SFXN5: variants seen among roughly 807,000 people sequenced by gnomAD.
The protein encoded by SFXN5 is sideroflexin 5.
Under a neutral mutation model 50.2 loss-of-function variants are expected in SFXN5, and 43 were observed. The observed-to-expected ratio is 0.86, with a 90% CI of 0.67 to 1.11. The LOEUF is 1.11. SFXN5 is among the 50% of genes least tolerant of loss of function. SFXN5 has a pLI of 0.00. For missense variants in SFXN5, 463 were observed against 454.1 expected (o/e 1.02, Z -0.18); for synonymous variants, 203 against 185.8 (o/e 1.09, Z -0.75).
intron 6 of SFXN5, among the ~76,000 whole-genome samples, chr2:73,016,866 G>C (rs1371276079): frequency 6.6e-6 from 1 of 152,182 alleles, no homozygotes; most frequent in Non-Finnish European, 1.5e-5. Flanking sequence ...TGGGCATTTT[G>C]TTGACATGAT....
intron 7 of SFXN5, 124 bp from the exon 8 acceptor site, chr2:73,000,611 C>A (rs560543002): frequency 1.0e-4 from 90 of 893,464 alleles, no homozygotes; most frequent in Non-Finnish European, 1.5e-4. Flanking sequence ...TCACATGGTG[C>A]CGCCCATGCT....
rs953612196 is a variant in SFXN5, at chr2:73,040,304, C to T, written c.249+550G>A. ...TACCCCTCCCCAAAACAAAACACCACCTTCAACATTTCAGGTATCTCTAAT... is the reference window on the plus strand; with the variant it reads ...TACCCCTCCCCAAAACAAAACACCATCTTCAACATTTCAGGTATCTCTAAT... On this transcript the variant is annotated intron_variant, in intron 3 of 13. Transcript: ENST00000272433. Among the ~76,000 whole-genome samples the T allele has an allele frequency of 2.6e-5, 4 of 152,146 alleles. No homozygotes were observed. In the South Asian group the frequency reaches 8.3e-4, roughly 32 times the overall value.
intron 6 of SFXN5, among the ~76,000 whole-genome samples, chr2:73,005,071 A>C (rs2105725800): frequency 6.6e-6 from 1 of 152,224 alleles, no homozygotes; most frequent in Admixed American, 6.5e-5. Context: ...CAAGAGGGAA[A>C]CGATTCAGGC....
At chr2:73,044,194 C>A (rs1326018720) in intron 2 of SFXN5, among the ~76,000 whole-genome samples, 1 of 152,180 alleles carries the variant, frequency 6.6e-6, no homozygotes, top group Admixed American at 6.5e-5. Flanking sequence ...AGCCCTCCTA[C>A]CAAAAGAATA....
chr2:73,047,217 C>G (rs1250228624), intron 2 of SFXN5, among the ~76,000 whole-genome samples: 1 of 23,988 alleles, frequency 4.2e-5, no homozygotes, highest in Non-Finnish European at 8.1e-5. Context: ...GACTCCATCT[C>G]GTAAAAAAAA....
At chr2:72,977,343 C>T (rs1670742832) in intron 10 of SFXN5, among the ~76,000 whole-genome samples, 1 of 152,126 alleles carries the variant, frequency 6.6e-6, no homozygotes, top group East Asian at 1.9e-4. Context: ...GCCAAAAAAT[C>T]CATACGATGT....
chr2:72,942,132 C>G lies in SFXN5; in HGVS notation c.*2890G>C, dbSNP rs1258346466. The G allele has an allele frequency of 1.3e-5, 2 of 152,332 alleles. No homozygotes were observed. Among genetic ancestry groups the G allele is most frequent in the East Asian group, 3.9e-4 (2 of 5,182 alleles). 9.4% of individuals were successfully genotyped at this position (152,332 alleles called of 1,614,324 possible). On this transcript the variant is annotated 3_prime_UTR_variant, in exon 14 of 14. Transcript: ENST00000272433. ...TGAGGTTAAAAAGACGCTGCAAAGG[C>G]CCCTGGGAGTGGCTGAGGCTTGCGT...
At chr2:73,040,629 T>G (rs1237389758) in intron 3 of SFXN5, among the ~76,000 whole-genome samples, 1 of 152,264 alleles carries the variant, frequency 6.6e-6, no homozygotes, top group Non-Finnish European at 1.5e-5. Flanking sequence ...AGCAAGCCTT[T>G]GGCCTTTGGG....
intron 1 of SFXN5, among the ~76,000 whole-genome samples, chr2:73,065,152 G>A (rs1228042566): frequency 6.6e-6 from 1 of 152,124 alleles, no homozygotes. Flanking sequence ...CCCAGCTGGA[G>A]TGCAGTTGTG....
chr2:73,047,506 C>G (rs1680663148), intron 2 of SFXN5, among the ~76,000 whole-genome samples: 1 of 150,790 alleles, frequency 6.6e-6, no homozygotes. Flanking sequence ...AATAATCCCC[C>G]CATGTCAAGG....
In SFXN5 at chr2:73,002,655, T is replaced by C. The variant is rs1376271235; in HGVS notation, c.358-1077A>G. 2.0e-5 allele frequency among the ~76,000 whole-genome samples: 3 copies of C among 151,626 alleles called. No homozygotes were observed. In the East Asian group the frequency reaches 5.8e-4, roughly 29 times the overall value. On this transcript the variant is annotated intron_variant, in intron 6 of 13. Transcript: ENST00000272433. ...GCATTAGTAAATCATGTTTTAAACA[T>C]TAAAATGTTTTAAAACAGCTAACAC...
At chr2:72,970,606 CA>C (rs149954436) in intron 11 of SFXN5, among the ~76,000 whole-genome samples, 2,909 of 152,122 alleles carry the variant, frequency 0.019, 96 homozygotes, top group African/African-American at 0.065. Flanking sequence ...GGCCAGAGAC[CA>C]GGGGGCAGCA....
intron 2 of SFXN5, among the ~76,000 whole-genome samples, chr2:73,053,828 G>A (rs1406422037): frequency 1.1e-4 from 17 of 152,058 alleles, no homozygotes; most frequent in African/African-American, 3.9e-4. Context: ...ACAGACAAAT[G>A]AGCTCATCCA....
chr2:73,058,240 T>C (rs2106030405), intron 2 of SFXN5: 2 of 277,898 alleles, frequency 7.2e-6, no homozygotes, highest in South Asian at 9.1e-5. Context: ...TAATAATTTC[T>C]TGAAAGTTTT....
intron 12 of SFXN5, among the ~76,000 whole-genome samples, chr2:72,962,504 C>T (rs369433200): frequency 6.6e-6 from 1 of 152,234 alleles, no homozygotes; most frequent in Non-Finnish European, 1.5e-5. Context: ...CCAAGGGTTG[C>T]TTACAACCAT....
intron 6 of SFXN5, among the ~76,000 whole-genome samples, chr2:73,011,248 T>A (rs1399354866): frequency 2.6e-5 from 4 of 152,062 alleles, no homozygotes; most frequent in Admixed American, 1.3e-4. Flanking sequence ...AGAGATGGGA[T>A]CTCCCTATGT....
intron 2 of SFXN5, among the ~76,000 whole-genome samples, chr2:73,042,310 T>C (rs10178854): frequency 0.27 from 40,519 of 152,040 alleles, 5,735 homozygotes; most frequent in East Asian, 0.5. Flanking sequence ...AACTATTATA[T>C]AGTAATTAAA....
At chr2:72,985,386 A>T (rs1371616589) in intron 10 of SFXN5, among the ~76,000 whole-genome samples, 1 of 152,120 alleles carries the variant, frequency 6.6e-6, no homozygotes, top group African/African-American at 2.4e-5. Flanking sequence ...AGGTGAAGAG[A>T]GGCCAAGTAC....
chr2:72,978,064 G>A (rs2105497862), intron 10 of SFXN5, among the ~76,000 whole-genome samples: 1 of 149,346 alleles, frequency 6.7e-6, no homozygotes, highest in Admixed American at 6.6e-5. Context: ...TTCTTCCAAA[G>A]GTTTTAATTT....
Sources: allele counts gnomAD v4.1 joint callset (sites outside exome capture counted in the v4.1 genomes callset), GRCh38; gene constraint gnomAD v4.1.1; transcripts MANE v1.5; gene names NCBI Gene and HGNC (gene_info 2026-07-23, HGNC 2026-07-21).